Variants in SPMIP4 observed in about 807,000 individuals in gnomAD.
SPMIP4 encodes sperm-associated microtubule inner protein 4.
chr7:25,134,343 A>G, the SPMIP4 span, among the ~76,000 whole-genome samples: 81 of 151,858 alleles, frequency 5.3e-4, no homozygotes, highest in African/African-American at 1.9e-3. Flanking sequence ...TAAAAAAAAA[A>G]AAAAAAAAAC....
chr7:25,169,685 C>T, the SPMIP4 span, among the ~76,000 whole-genome samples: 4 of 152,138 alleles, frequency 2.6e-5, no homozygotes, highest in African/African-American at 9.7e-5. Context: ...AGTGATTCTC[C>T]TGTCTCAGCC....
chr7:25,136,307 C>A, the SPMIP4 span: 1 of 1,614,046 alleles, frequency 6.2e-7, no homozygotes, highest in Admixed American at 1.7e-5. The surrounding 1 kb of genome is among the most constrained non-coding windows in gnomAD (Gnocchi z 5.7). Context: ...CTAACAGGGT[C>A]TGGACACATA....
the SPMIP4 span, chr7:25,134,884 G>GT: frequency 1.0e-6 from 1 of 985,196 alleles, no homozygotes; most frequent in Non-Finnish European, 1.2e-6. Context: ...GATTTCCCCA[G>GT]TATTATTTCA....
chr7:25,158,624 G>C, the SPMIP4 span: 3 of 1,017,614 alleles, frequency 2.9e-6, no homozygotes, highest in Non-Finnish European at 4.5e-6. Flanking sequence ...TATAGGCTGG[G>C]CATGGTGGCT....
the SPMIP4 span, among the ~76,000 whole-genome samples, chr7:25,133,069 G>A: frequency 2.6e-5 from 4 of 152,066 alleles, no homozygotes; most frequent in African/African-American, 9.7e-5. Flanking sequence ...ATTGGCTTTT[G>A]GAAATGGAAT....
the SPMIP4 span, chr7:25,161,084 G>T: frequency 1.0e-5 from 6 of 600,032 alleles, no homozygotes; most frequent in Admixed American, 3.6e-5. Context: ...GAAATAATTT[G>T]TTTCTCTAAA....
At chr7:25,179,273 CCTGCAA>C in the SPMIP4 span, 4 of 1,613,210 alleles carry the variant, frequency 2.5e-6, no homozygotes, top group Non-Finnish European at 2.5e-6. Context: ...CTTCAAGCTC[CCTGCAA>C]CAGTAGGGCC....
chr7:25,153,868 C>T, the SPMIP4 span, among the ~76,000 whole-genome samples: 5 of 152,168 alleles, frequency 3.3e-5, no homozygotes, highest in Non-Finnish European at 5.9e-5. Context: ...TGCCTTTTTC[C>T]AATGCTGCCT....
the SPMIP4 span, among the ~76,000 whole-genome samples, chr7:25,126,466 C>A: frequency 1.3e-5 from 2 of 152,138 alleles, no homozygotes; most frequent in African/African-American, 4.8e-5. Flanking sequence ...TGTGAGCCAC[C>A]ACGCCCAGGG....
chr7:25,169,185 T>C, the SPMIP4 span, among the ~76,000 whole-genome samples: 2 of 151,168 alleles, frequency 1.3e-5, no homozygotes, highest in Non-Finnish European at 3.0e-5. Flanking sequence ...AGCTCAGGAG[T>C]TCAAGACCAG....
the SPMIP4 span, chr7:25,158,578 A>G: frequency 6.8e-7 from 1 of 1,475,402 alleles, no homozygotes; most frequent in Non-Finnish European, 9.4e-7. Context: ...GAGGGCTTTT[A>G]AAGGTTTATA....
the SPMIP4 span, chr7:25,136,375 T>C: frequency 6.2e-7 from 1 of 1,614,188 alleles, no homozygotes; most frequent in Non-Finnish European, 8.5e-7. The surrounding 1 kb of genome is among the most constrained non-coding windows in gnomAD (Gnocchi z 5.7). Context: ...GTGGTCTGGT[T>C]TACAGTAAGG....
At chr7:25,163,221 A>C in the SPMIP4 span, among the ~76,000 whole-genome samples, 1 of 152,266 alleles carries the variant, frequency 6.6e-6, no homozygotes, top group African/African-American at 2.4e-5. The surrounding 1 kb of genome is among the most constrained non-coding windows in gnomAD (Gnocchi z 4.4). Context: ...TGAGAAATTA[A>C]AAACAATGTA....
the SPMIP4 span, among the ~76,000 whole-genome samples, chr7:25,177,494 C>G: frequency 6.6e-6 from 1 of 151,392 alleles, no homozygotes; most frequent in Non-Finnish European, 1.5e-5. Flanking sequence ...AAAAAAAAAA[C>G]AAAAAAACAA....
the SPMIP4 span, among the ~76,000 whole-genome samples, chr7:25,148,838 A>C: frequency 6.6e-6 from 1 of 152,148 alleles, no homozygotes; most frequent in African/African-American, 2.4e-5. Context: ...TAAAGCATTT[A>C]ATTAAACAAA....
the SPMIP4 span, among the ~76,000 whole-genome samples, chr7:25,171,615 T>C: frequency 0.11 from 16,709 of 152,224 alleles, 1,089 homozygotes; most frequent in East Asian, 0.26. Flanking sequence ...ACTAGCTTTT[T>C]GACAAGACAG....
At chr7:25,142,384 G>A in the SPMIP4 span, 32 of 1,265,756 alleles carry the variant, frequency 2.5e-5, no homozygotes, top group African/African-American at 3.4e-4. Flanking sequence ...AAGAACGACA[G>A]TTATATTACC....
the SPMIP4 span, chr7:25,125,868 C>G: frequency 1.2e-5 from 12 of 976,856 alleles, no homozygotes; most frequent in Non-Finnish European, 1.3e-5. Flanking sequence ...TGTTCTAGTT[C>G]CACCTATACT....
At chr7:25,178,925 C>A in the SPMIP4 span, among the ~76,000 whole-genome samples, 1 of 152,118 alleles carries the variant, frequency 6.6e-6, no homozygotes, top group Admixed American at 6.5e-5. Context: ...CCTGTAATCC[C>A]AGCTACTCTG....
Sources: gnomAD v4.1 joint callset for allele counts (sites outside exome capture counted in the v4.1 genomes callset) on GRCh38, gnomAD v4.1.1 for gene constraint, Gnocchi (gnomAD v3.1) non-coding constraint, MANE v1.5 for transcripts, NCBI Gene and HGNC (gene_info 2026-07-23, HGNC 2026-07-21) for gene names.